Variants in FRAS1 observed in about 807,000 individuals in gnomAD.
FRAS1 encodes the protein extracellular matrix organizing protein FRAS1.
FRAS1 carries 290 observed loss-of-function variants against 435.2 expected under a neutral mutation model. That is an observed-to-expected ratio of 0.67 (90% CI 0.61 to 0.73). The LOEUF (loss-of-function observed/expected upper bound fraction) is 0.73. Among genes scored for constraint, FRAS1 ranks in the 30% least tolerant of loss-of-function variants. FRAS1 has a pLI of 0.00. For synonymous variants in FRAS1, 1,800 were observed against 1,851.0 expected (o/e 0.97, Z 0.71); for missense variants, 4,860 against 5,001.5 (o/e 0.97, Z 0.85).
intron 2 of FRAS1, among the ~76,000 whole-genome samples, chr4:78,103,653 G>T (rs1578125152): frequency 6.6e-6 from 1 of 152,104 alleles, no homozygotes; most frequent in Non-Finnish European, 1.5e-5. Context: ...CCTCATGATT[G>T]GGGTTAGTGC....
At chr4:78,461,235 A>T (rs1163240884) in intron 47 of FRAS1, among the ~76,000 whole-genome samples, 1 of 152,162 alleles carries the variant, frequency 6.6e-6, no homozygotes, top group Admixed American at 6.5e-5. Context: ...ACTTGTCTAG[A>T]TTTTTCACAT....
chr4:78,496,332 G>A (rs77060718), intron 59 of FRAS1, among the ~76,000 whole-genome samples: 1,913 of 152,230 alleles, frequency 0.013, 50 homozygotes, highest in African/African-American at 0.044. Context: ...TTAGCCTAAC[G>A]CAAAGCCTTT....
intron 2 of FRAS1, among the ~76,000 whole-genome samples, chr4:78,080,811 T>C (rs1405168749): frequency 6.6e-6 from 1 of 152,206 alleles, no homozygotes; most frequent in African/African-American, 2.4e-5. Context: ...GCAAGACTAT[T>C]TTTGTTTCTC....
chr4:78,217,085 A>ATAGG (rs753334887), intron 2 of FRAS1, among the ~76,000 whole-genome samples: 2 of 151,370 alleles, frequency 1.3e-5, no homozygotes, highest in East Asian at 3.9e-4. Flanking sequence ...AGATAACTAG[A>ATAGG]TAGATAGATA....
rs140243087 is a variant in FRAS1, at chr4:78,138,492, T to G, written c.108+72476T>G. On this transcript the variant is annotated intron_variant, in intron 2 of 73. Transcript: ENST00000512123. ...GTGTAGAGAAATATATCTGGAGGGT[T>G]ATGCAATTTCTCTTAACTATATATT... 1.4e-3 allele frequency among the ~76,000 whole-genome samples: 207 copies of G among 152,284 alleles called. 1 individual carries two copies. Among genetic ancestry groups the G allele is most frequent in the African/African-American group, 4.8e-3 (199 of 41,548 alleles).
chr4:78,447,914 A>T, intron 43 of FRAS1, 139 bp from the exon 44 acceptor site: 1 of 671,696 alleles, frequency 1.5e-6, no homozygotes, highest in Non-Finnish European at 2.5e-6. Flanking sequence ...TAAAATGCTA[A>T]GCTGTTGGCA....
intron 30 of FRAS1, among the ~76,000 whole-genome samples, chr4:78,402,428 G>T (rs973724096): frequency 6.6e-6 from 1 of 152,170 alleles, no homozygotes; most frequent in African/African-American, 2.4e-5. Flanking sequence ...GGTCAGTCTA[G>T]CTGAGATGTC....
chr4:78,262,725 G>A, intron 6 of FRAS1, among the ~76,000 whole-genome samples: 1 of 152,128 alleles, frequency 6.6e-6, no homozygotes, highest in Non-Finnish European at 1.5e-5. Context: ...AAGGAATACT[G>A]AAAACCATAG....
intron 20 of FRAS1, among the ~76,000 whole-genome samples, chr4:78,342,402 C>T (rs1343481576): frequency 6.6e-6 from 1 of 152,142 alleles, no homozygotes. Context: ...TCTATCAAAG[C>T]AAATATAAAG....
intron 58 of FRAS1, among the ~76,000 whole-genome samples, chr4:78,486,882 CT>C (rs1467423393): frequency 5.5e-5 from 7 of 127,244 alleles, no homozygotes; most frequent in Admixed American, 9.1e-5. Flanking sequence ...GAGTGAATGT[CT>C]TGTTAAAGAG....
chr4:78,058,809 G>A (rs1475100191), intron 1 of FRAS1, among the ~76,000 whole-genome samples: 1 of 152,194 alleles, frequency 6.6e-6, no homozygotes, highest in Non-Finnish European at 1.5e-5. Flanking sequence ...ACTAGTTGTC[G>A]CCATGATATC....
At chr4:78,343,496 TCACGCAAGGA>T (rs1444526412) in intron 20 of FRAS1, among the ~76,000 whole-genome samples, 2 of 137,118 alleles carry the variant, frequency 1.5e-5, no homozygotes, top group Non-Finnish European at 3.1e-5. Flanking sequence ...GGCAGAGAGG[TCACGCAAGGA>T]GGTGCGGGTT....
At chr4:78,100,660 T>C (rs113499383) in intron 2 of FRAS1, among the ~76,000 whole-genome samples, 110 of 152,372 alleles carry the variant, frequency 7.2e-4, no homozygotes, top group African/African-American at 2.5e-3. Context: ...ACATTCTCAG[T>C]AGCTTTTGAA....
chr4:78,441,188 C>T lies in FRAS1; in HGVS notation c.5556C>T (p.Leu1852=), dbSNP rs747816643. The T allele has an allele frequency of 1.9e-6, 3 of 1,613,932 alleles. No homozygotes were observed. Among genetic ancestry groups the T allele is most frequent in the Non-Finnish European group, 2.5e-6 (3 of 1,179,838 alleles). The stretch of plus-strand genomic sequence containing the variant: ...TTGATGAGGGAGGGAGAGCACCACT[C>T]TCATTTCACCATTTTTTTGCTACTG... ...ITVDEGGRAP[L]SFHHFFATDD... Residue 1852 remains leucine (L), a synonymous_variant, in exon 41 of 74, where the codon CTC becomes CTT. Transcript: ENST00000512123.
At chr4:78,454,589 T>G (rs1404046451) in intron 47 of FRAS1, among the ~76,000 whole-genome samples, 1 of 152,178 alleles carries the variant, frequency 6.6e-6, no homozygotes, top group African/African-American at 2.4e-5. Context: ...GAGCTAATTG[T>G]CTCCGCCAGA....
chr4:78,133,510 A>C (rs1410981888), intron 2 of FRAS1, among the ~76,000 whole-genome samples: 1 of 152,092 alleles, frequency 6.6e-6, no homozygotes, highest in African/African-American at 2.4e-5. Flanking sequence ...TCTTAAAATA[A>C]CTAAAAAAAA....
intron 59 of FRAS1, among the ~76,000 whole-genome samples, chr4:78,495,192 T>G (rs1720477050): frequency 6.6e-6 from 1 of 152,172 alleles, no homozygotes; most frequent in Non-Finnish European, 1.5e-5. Flanking sequence ...TTGCAATGCT[T>G]TCTTATATTT....
At chr4:78,449,680 G>T (rs1207776904) in intron 44 of FRAS1, among the ~76,000 whole-genome samples, 1 of 152,114 alleles carries the variant, frequency 6.6e-6, no homozygotes, top group Admixed American at 6.5e-5. Flanking sequence ...CTGTCCTGAA[G>T]GATGCTGATT....
rs1560423239 is a variant in FRAS1 at position 78,518,456 on chromosome 4, ATTTATT to A, written c.10390-873_10390-868del. On this transcript the variant is annotated intron_variant, in intron 66 of 73. Transcript: ENST00000512123. ...TATATATATATATATATATATATTT[ATTTATT>A]TATTTATTTGTGGAAAAAAGTATAA... is the stretch of plus-strand genomic sequence containing the variant. Among the ~76,000 whole-genome samples the A allele has an allele frequency of 5.1e-3, 525 of 102,148 alleles. 1 individual carries two copies. The highest frequency in any genetic ancestry group is 0.014 in the African/African-American group (406 of 29,656). The allele number at this position is 102,148 out of a possible 152,430, so 67.0% of individuals were successfully genotyped here.
Sources: allele counts gnomAD v4.1 joint callset (sites outside exome capture counted in the v4.1 genomes callset), GRCh38; gene constraint gnomAD v4.1.1; transcripts MANE v1.5; gene names NCBI Gene and HGNC (gene_info 2026-07-23, HGNC 2026-07-21).